NRXN3: variants seen among roughly 807,000 people sequenced by gnomAD.
The protein encoded by NRXN3 is neurexin III.
A neutral mutation model predicts 137.6 loss-of-function variants in NRXN3; 32 were observed. The ratio of observed to expected loss-of-function variants is 0.23; its 90% CI spans 0.18 to 0.31. The LOEUF (loss-of-function observed/expected upper bound fraction) is 0.31, where lower values mean the gene tolerates loss of function less well. Ranked by LOEUF, NRXN3 falls within the 10% of genes least tolerant of loss-of-function variation. The probability of loss-of-function intolerance (pLI) is 1.00; values close to 1 mark genes in which losing one functional copy is unlikely to be tolerated. For synonymous variants in NRXN3, 798 were observed against 784.5 expected (o/e 1.02, Z -0.29); for missense variants, 1,574 against 2,062.5 (o/e 0.76, Z 4.59).
At chr14:79,718,758 ATTTT>A (rs953418134) in intron 19 of NRXN3, among the ~76,000 whole-genome samples, 6 of 151,572 alleles carry the variant, frequency 4.0e-5, no homozygotes, top group Non-Finnish European at 7.4e-5. Flanking sequence ...GCAGTTTTTA[ATTTT>A]TTTTTATTTT....
chr14:79,830,728 G>A (rs2141240290), intron 20 of NRXN3, among the ~76,000 whole-genome samples: 1 of 152,246 alleles, frequency 6.6e-6, no homozygotes, highest in Middle Eastern at 3.4e-3. Flanking sequence ...ATAGACACAG[G>A]CAAAGTAATC....
intron 15 of NRXN3, among the ~76,000 whole-genome samples, chr14:79,318,273 T>A (rs1386438047): frequency 1.3e-5 from 2 of 152,220 alleles, no homozygotes; most frequent in Non-Finnish European, 2.9e-5. Context: ...TCATGTCAGA[T>A]CATCAGCACA....
chr14:78,954,627 G>A (rs1331745463), intron 10 of NRXN3, among the ~76,000 whole-genome samples: 1 of 151,994 alleles, frequency 6.6e-6, no homozygotes, highest in Admixed American at 6.6e-5. Flanking sequence ...ACCATGCCCG[G>A]CTAGTTTTTT....
chr14:79,863,540 G>C lies in NRXN3; in HGVS notation c.*1576G>C, dbSNP rs2099416257. 6.6e-6 allele frequency: 1 copy of C among 151,716 alleles called. No individual in the cohort carries two copies. The highest frequency in any genetic ancestry group is 1.5e-5 in the Non-Finnish European group (1 of 67,830). 9.4% of individuals were successfully genotyped at this position (151,716 alleles called of 1,614,324 possible). Reference sequence around the variant, plus strand: ...ATTAAAAAAAAAAACTTCAGATTTTGTTTACATATTTTACTACATTTTTGC... The same window carrying C: ...ATTAAAAAAAAAAACTTCAGATTTTCTTTACATATTTTACTACATTTTTGC... On this transcript the variant is annotated 3_prime_UTR_variant, in exon 21 of 21. Transcript: ENST00000335750.
At chr14:79,857,090 T>A (rs1171143967) in intron 20 of NRXN3, among the ~76,000 whole-genome samples, 1 of 152,214 alleles carries the variant, frequency 6.6e-6, no homozygotes, top group East Asian at 1.9e-4. Context: ...GGACACATAG[T>A]TGATCACTGA....
intron 15 of NRXN3, among the ~76,000 whole-genome samples, chr14:79,373,737 C>T (rs953726902): frequency 1.4e-4 from 22 of 152,052 alleles, no homozygotes; most frequent in Admixed American, 1.3e-3. Context: ...ATTGCTCTTG[C>T]CAGGATATAC....
At position 78,249,808 on chromosome 14, in the gene NRXN3, C is replaced by T. The variant is rs149170437; in HGVS notation, c.709+6006C>T. On this transcript the variant is annotated intron_variant, in intron 2 of 20. Coordinates refer to ENST00000335750, the MANE Select transcript of NRXN3 (RefSeq NM_001330195.2). ...AGCTCCATTTTACGGATGAGGAAAC[C>T]GAGGAACCGAGAAATTGGGAACTTG... Among the ~76,000 whole-genome samples, 19 of 152,064 alleles carry T rather than the reference C, an allele frequency of 1.2e-4. 2 individuals carry two copies. In the East Asian group the frequency reaches 2.5e-3, roughly 20 times the overall value.
In NRXN3 at chr14:79,751,055, CTCT is replaced by C. The variant is rs574260217; in HGVS notation, c.4014+53120_4014+53122del. 1.2e-3 allele frequency among the ~76,000 whole-genome samples: 180 copies of C among 152,226 alleles called. 1 individual carries two copies. Among genetic ancestry groups the C allele is most frequent in the African/African-American group, 3.6e-3 (149 of 41,548 alleles). Reference sequence around the variant, plus strand: ...CTTAGGATTGACTTGGCGATGCAGGCTCTTTTTTGGTTCCATATGAACTTTAAA... The same window carrying C: ...CTTAGGATTGACTTGGCGATGCAGGCTTTTTGGTTCCATATGAACTTTAAA... On this transcript the variant is annotated intron_variant, in intron 19 of 20. Transcript: ENST00000335750.
intron 15 of NRXN3, among the ~76,000 whole-genome samples, chr14:79,073,140 G>A (rs191662216): frequency 2.0e-5 from 3 of 152,110 alleles, no homozygotes; most frequent in Non-Finnish European, 2.9e-5. Flanking sequence ...ACTCGCCTCC[G>A]CCTCCCAAAG....
At chr14:78,270,992 C>A (rs78943742) in intron 2 of NRXN3, among the ~76,000 whole-genome samples, 1,646 of 152,314 alleles carry the variant, frequency 0.011, 34 homozygotes, top group African/African-American at 0.037. Context: ...GCAACTTCAG[C>A]TACCGTGTGT....
At chr14:78,998,762 C>CT (rs1237108042) in intron 15 of NRXN3, among the ~76,000 whole-genome samples, 3,916 of 119,738 alleles carry the variant, frequency 0.033, 122 homozygotes, top group African/African-American at 0.065. Context: ...CCATGCCCAG[C>CT]TTTTTTTTTT....
chr14:78,717,140 G>A (rs1331652537), intron 8 of NRXN3, among the ~76,000 whole-genome samples: 1 of 152,140 alleles, frequency 6.6e-6, no homozygotes, highest in Non-Finnish European at 1.5e-5. Flanking sequence ...TTCTTCTTGG[G>A]TCTCCTCTTA....
chr14:78,805,486 CT>C (rs1210427397), intron 9 of NRXN3, among the ~76,000 whole-genome samples: 1 of 151,828 alleles, frequency 6.6e-6, no homozygotes, highest in Non-Finnish European at 1.5e-5. Flanking sequence ...TGGCATACCC[CT>C]GACCCTACTA....
intron 6 of NRXN3, among the ~76,000 whole-genome samples, chr14:78,666,366 G>A (rs1449067578): frequency 6.6e-6 from 1 of 152,092 alleles, no homozygotes; most frequent in Non-Finnish European, 1.5e-5. Context: ...AGACGGTAGG[G>A]AAAAAGCCAA....
chr14:78,520,105 C>T (rs1324802866), intron 4 of NRXN3, among the ~76,000 whole-genome samples: 5 of 152,158 alleles, frequency 3.3e-5, no homozygotes, highest in Admixed American at 3.3e-4. Context: ...ATTATTGGCT[C>T]CTTTCCATGT....
intron 15 of NRXN3, among the ~76,000 whole-genome samples, chr14:79,098,879 GA>G (rs1290569724): frequency 6.6e-6 from 1 of 152,158 alleles, no homozygotes; most frequent in Admixed American, 6.6e-5. Flanking sequence ...TTTCAGGGAG[GA>G]AATTTTTCAG....
At chr14:79,228,398 T>G (rs1034771203) in intron 15 of NRXN3, among the ~76,000 whole-genome samples, 3 of 152,120 alleles carry the variant, frequency 2.0e-5, no homozygotes, top group Admixed American at 2.0e-4. Context: ...CTCTGTTAAA[T>G]TTTTTAAAAA....
chr14:78,455,916 T>C (rs1375060152), intron 4 of NRXN3, among the ~76,000 whole-genome samples: 2 of 152,236 alleles, frequency 1.3e-5, no homozygotes, highest in Non-Finnish European at 2.9e-5. Context: ...CTCTTCATCA[T>C]TCTTACAATG....
intron 15 of NRXN3, among the ~76,000 whole-genome samples, chr14:79,392,177 A>T (rs1377711429): frequency 6.6e-6 from 1 of 151,994 alleles, no homozygotes; most frequent in Non-Finnish European, 1.5e-5. Flanking sequence ...CTGGTGTGTG[A>T]TGTTCCCCTC....
Sources: gnomAD v4.1 joint callset for allele counts (sites outside exome capture counted in the v4.1 genomes callset) on GRCh38, gnomAD v4.1.1 for gene constraint, MANE v1.5 for transcripts, NCBI Gene and HGNC (gene_info 2026-07-23, HGNC 2026-07-21) for gene names.